LYPLAL1: variants seen among roughly 807,000 people sequenced by gnomAD.
The protein encoded by LYPLAL1 is lysophospholipase-like protein 1.
In LYPLAL1, 23 loss-of-function variants were observed where a neutral mutation model predicts 19.7. The ratio of observed to expected loss-of-function variants is 1.17; its 90% CI spans 0.84 to 1.65. LYPLAL1 has a LOEUF of 1.65. Ranked by LOEUF, LYPLAL1 falls within the 40% of genes most tolerant of loss-of-function variation. The pLI is 0.00. For synonymous variants in LYPLAL1, 119 were observed against 96.3 expected, an observed-to-expected ratio of 1.24 and a Z score of -1.38; for missense variants, 355 against 279.4, an observed-to-expected ratio of 1.27 and a Z score of -1.93.
intron 2 of LYPLAL1, among the ~76,000 whole-genome samples, chr1:219,190,137 A>G (rs1365355458): frequency 1.3e-5 from 2 of 151,582 alleles, no homozygotes; most frequent in Non-Finnish European, 3.0e-5. Flanking sequence ...CAAGACATAG[A>G]AAATTATTTG....
At chr1:219,322,678 C>T in the LYPLAL1 span, among the ~76,000 whole-genome samples, 9 of 152,136 alleles carry the variant, frequency 5.9e-5, no homozygotes, top group African/African-American at 2.2e-4. Flanking sequence ...TTGTGCGATG[C>T]TAAGAACAAA....
At chr1:219,388,754 A>C in the LYPLAL1 span, among the ~76,000 whole-genome samples, 1 of 152,218 alleles carries the variant, frequency 6.6e-6, no homozygotes, top group South Asian at 2.1e-4. Context: ...GCTTCCCTGC[A>C]GGTGTTGATG....
chr1:219,320,523 G>A, the LYPLAL1 span, among the ~76,000 whole-genome samples: 1 of 152,162 alleles, frequency 6.6e-6, no homozygotes. Context: ...CATGTGCCAT[G>A]TTGGTGTGCT....
At chr1:219,254,745 C>T in the LYPLAL1 span, among the ~76,000 whole-genome samples, 6 of 152,000 alleles carry the variant, frequency 3.9e-5, no homozygotes, top group South Asian at 2.1e-4. Context: ...AGCTCAATTA[C>T]GTGTTTTGGG....
At chr1:219,235,869 G>A in the LYPLAL1 span, among the ~76,000 whole-genome samples, 2 of 152,270 alleles carry the variant, frequency 1.3e-5, no homozygotes, top group South Asian at 4.1e-4. Context: ...CCATTATCCA[G>A]GAGAGGACCA....
the LYPLAL1 span, among the ~76,000 whole-genome samples, chr1:219,322,838 A>C: frequency 6.6e-6 from 1 of 152,186 alleles, no homozygotes; most frequent in Non-Finnish European, 1.5e-5. Context: ...TACTGCAGTA[A>C]AGGGAAATTA....
the LYPLAL1 span, among the ~76,000 whole-genome samples, chr1:219,257,671 GC>G: frequency 6.6e-6 from 1 of 151,948 alleles, no homozygotes; most frequent in African/African-American, 2.4e-5. Context: ...AAGGCAAAGG[GC>G]AAATCAAAGA....
chr1:219,256,551 T>G, the LYPLAL1 span, among the ~76,000 whole-genome samples: 1 of 152,084 alleles, frequency 6.6e-6, no homozygotes, highest in Admixed American at 6.6e-5. Context: ...AACTTTTGGC[T>G]TTCTTAATCC....
chr1:219,317,135 CT>C, the LYPLAL1 span, among the ~76,000 whole-genome samples: 1 of 152,068 alleles, frequency 6.6e-6, no homozygotes, highest in Non-Finnish European at 1.5e-5. Context: ...TAAACTTGCC[CT>C]TTTCAATCAG....
chr1:219,372,392 C>A, the LYPLAL1 span, among the ~76,000 whole-genome samples: 1 of 152,190 alleles, frequency 6.6e-6, no homozygotes, highest in Non-Finnish European at 1.5e-5. Flanking sequence ...TCAGTTTTCT[C>A]ATTTTCCAAG....
At chr1:219,209,381 A>T (rs1479513269) in intron 3 of LYPLAL1, among the ~76,000 whole-genome samples, 1 of 152,106 alleles carries the variant, frequency 6.6e-6, no homozygotes, top group African/African-American at 2.4e-5. Context: ...GGATAGTAGA[A>T]AGTATATTAA....
the LYPLAL1 span, among the ~76,000 whole-genome samples, chr1:219,345,094 A>G: frequency 6.6e-6 from 1 of 152,198 alleles, no homozygotes; most frequent in Non-Finnish European, 1.5e-5. Flanking sequence ...TTAAACTTCA[A>G]TTAATAAATA....
the LYPLAL1 span, among the ~76,000 whole-genome samples, chr1:219,355,351 T>A: frequency 6.6e-6 from 1 of 151,526 alleles, no homozygotes; most frequent in Admixed American, 6.6e-5. Context: ...AAAGGGAAAC[T>A]AAAAACAAGC....
At chr1:219,360,660 C>T in the LYPLAL1 span, among the ~76,000 whole-genome samples, 4 of 152,204 alleles carry the variant, frequency 2.6e-5, no homozygotes, top group Middle Eastern at 3.4e-3. Flanking sequence ...TGTGTGCTCA[C>T]GGGTATGTTT....
At chr1:219,340,552 T>C in the LYPLAL1 span, among the ~76,000 whole-genome samples, 61 of 152,108 alleles carry the variant, frequency 4.0e-4, no homozygotes, top group Non-Finnish European at 7.7e-4. Context: ...TCATAATAGG[T>C]GGGTTAGGTT....
At chr1:219,383,477 G>A in the LYPLAL1 span, among the ~76,000 whole-genome samples, 1 of 152,280 alleles carries the variant, frequency 6.6e-6, no homozygotes, top group Admixed American at 6.5e-5. Context: ...TATACTTCAG[G>A]TGGTGTTCTC....
the LYPLAL1 span, among the ~76,000 whole-genome samples, chr1:219,440,130 G>C: frequency 1.3e-5 from 2 of 150,304 alleles, no homozygotes; most frequent in African/African-American, 4.9e-5. Context: ...ATTATTGATA[G>C]TGCTATTGGA....
the LYPLAL1 span, among the ~76,000 whole-genome samples, chr1:219,355,397 G>A: frequency 6.6e-6 from 1 of 151,948 alleles, no homozygotes; most frequent in African/African-American, 2.4e-5. Flanking sequence ...AAAATAAAAA[G>A]GGAACACTGA....
intron 3 of LYPLAL1, among the ~76,000 whole-genome samples, chr1:219,210,131 C>T (rs1048680932): frequency 6.6e-6 from 1 of 152,064 alleles, no homozygotes; most frequent in African/African-American, 2.4e-5. Flanking sequence ...GAGCTCACAG[C>T]TTAGCAAGTA....
Sources: gnomAD v4.1 joint callset for allele counts (sites outside exome capture counted in the v4.1 genomes callset) on GRCh38, gnomAD v4.1.1 for gene constraint, MANE v1.5 for transcripts, NCBI Gene and HGNC (gene_info 2026-07-23, HGNC 2026-07-21) for gene names.